RCC2: variants seen among roughly 807,000 people sequenced by gnomAD.
The protein encoded by RCC2 is regulator of chromosome condensation 2.
In RCC2, 19 loss-of-function variants were observed where a neutral mutation model predicts 64.1. The ratio of observed to expected loss-of-function variants is 0.30; its 90% CI spans 0.21 to 0.44. The LOEUF (loss-of-function observed/expected upper bound fraction) is 0.44, where lower values mean the gene tolerates loss of function less well. Ranked by LOEUF, RCC2 falls within the 20% of genes least tolerant of loss-of-function variation. RCC2 has a pLI of 1.00. For synonymous variants in RCC2, 325 were observed against 279.6 expected, an observed-to-expected ratio of 1.16 and a Z score of -1.62; for missense variants, 508 against 710.4, an observed-to-expected ratio of 0.72 and a Z score of 3.24.
rs1570194311 is a variant in RCC2 at position 17,425,557 on chromosome 1, C to T, written c.507G>A (p.Gly169=). ...GGTACTCACCCCAGCTCCACAGCTT[C>T]CCTTCCGTGGTGATGAGGAGGCTGT... ...AAHSLLITTE[G]KLWSWGRNEK... is the part of the protein sequence containing the mutation. The change falls in exon 4 of 13, where the codon GGG becomes GGA. Residue 169 remains glycine, a synonymous_variant. Coordinates refer to ENST00000375436, the MANE Select transcript of RCC2 (RefSeq NM_018715.4). The T allele has an allele frequency of 1.2e-6, 2 of 1,612,544 alleles. No homozygotes were observed. Among genetic ancestry groups the T allele is most frequent in the Non-Finnish European group, 1.7e-6 (2 of 1,179,152 alleles).
In RCC2 at chr1:17,409,595, AC is replaced by A. The variant is rs887109013; in HGVS notation, c.1464+378del. 1.7e-3 allele frequency among the ~76,000 whole-genome samples: 254 copies of A among 152,034 alleles called. 5 individuals are homozygous for A. Among genetic ancestry groups the A allele is most frequent in the Admixed American group, 0.017 (253 of 15,268 alleles). On this transcript the variant is annotated intron_variant, in intron 12 of 12. Coordinates refer to ENST00000375436, the MANE Select transcript of RCC2 (RefSeq NM_018715.4). ...TGGCTGACTGAGCCGCAGGGGCCTC[AC>A]CCCGCCATCTGACTCCTGCAGCCAC...
intron 7 of RCC2, among the ~76,000 whole-genome samples, chr1:17,416,911 T>C (rs1026575006): frequency 1.3e-4 from 20 of 152,206 alleles, no homozygotes; most frequent in Non-Finnish European, 2.4e-4. Flanking sequence ...ACTCTACACA[T>C]AATAATGGCA....
intron 2 of RCC2, among the ~76,000 whole-genome samples, chr1:17,435,107 G>T (rs114102428): frequency 7.4e-4 from 112 of 152,286 alleles, no homozygotes; most frequent in African/African-American, 2.6e-3. Context: ...CATCTGGGGT[G>T]GGGGGTGCGG....
chr1:17,421,442 C>T (rs1052372582), intron 6 of RCC2, among the ~76,000 whole-genome samples: 1 of 151,684 alleles, frequency 6.6e-6, no homozygotes, highest in Non-Finnish European at 1.5e-5. Flanking sequence ...TTGCAGTGAG[C>T]TGAGATCGCG....
chr1:17,425,819 G>T, intron 3 of RCC2, 135 bp from the exon 4 acceptor site: 1 of 856,674 alleles, frequency 1.2e-6, no homozygotes, highest in Non-Finnish European at 1.8e-6. Flanking sequence ...TGCCTTGGCT[G>T]TTGGGAGGCT....
chr1:17,412,365 C>T (rs112978140), intron 10 of RCC2, among the ~76,000 whole-genome samples, 171 bp from the exon 11 acceptor site: 156 of 152,348 alleles, frequency 1.0e-3, no homozygotes, highest in African/African-American at 3.4e-3. Context: ...AAGATTGTTC[C>T]GTGCAGGCCA....
intron 12 of RCC2, 144 bp downstream of exon 12, chr1:17,409,830 C>T: frequency 4.1e-6 from 3 of 733,984 alleles, no homozygotes; most frequent in Non-Finnish European, 7.1e-6. Context: ...ACCTCTCAAA[C>T]AAATCTTAGC....
intron 1 of RCC2, 52 bp from the exon 2 acceptor site, chr1:17,438,574 C>G: frequency 7.8e-7 from 1 of 1,277,826 alleles, no homozygotes. Context: ...ATAAACTGCG[C>G]GGGGGGAGGG....
At chr1:17,416,349 C>G (rs1276789030) in intron 8 of RCC2, 131 bp downstream of exon 8, 1 of 1,014,682 alleles carries the variant, frequency 9.9e-7, no homozygotes, top group African/African-American at 1.6e-5. Context: ...GGTGCAAAGC[C>G]CTCTTGAAGA....
intron 2 of RCC2, among the ~76,000 whole-genome samples, chr1:17,429,515 TAC>T (rs2075651821): frequency 6.6e-6 from 1 of 152,024 alleles, no homozygotes; most frequent in South Asian, 2.1e-4. Context: ...CAAACTGATG[TAC>T]AGAGGTATTT....
At chr1:17,429,084 T>C in intron 3 of RCC2, 22 bp downstream of exon 3, 1 of 1,594,280 alleles carries the variant, frequency 6.3e-7, no homozygotes, top group Non-Finnish European at 8.6e-7. Flanking sequence ...CTCAATGGGT[T>C]TTTGAGGCAC....
intron 7 of RCC2, among the ~76,000 whole-genome samples, chr1:17,418,213 A>ATTTT (rs751372153): frequency 2.3e-5 from 3 of 128,740 alleles, no homozygotes; most frequent in East Asian, 2.3e-4. Context: ...AGCAGGTTCT[A>ATTTT]TTTTTTTTTT....
At chr1:17,435,928 A>G (rs1479561857) in intron 2 of RCC2, among the ~76,000 whole-genome samples, 2 of 151,998 alleles carry the variant, frequency 1.3e-5, no homozygotes, top group East Asian at 3.9e-4. Context: ...CAAAAAAAAA[A>G]AAAAAAAAGC....
intron 5 of RCC2, 49 bp downstream of exon 5, chr1:17,422,656 C>A (rs769290053): frequency 3.1e-6 from 5 of 1,607,682 alleles, no homozygotes; most frequent in Non-Finnish European, 4.3e-6. Context: ...AGGCAGACCA[C>A]CTGGCCTCTT....
At chr1:17,426,244 G>A (rs1457949575) in intron 3 of RCC2, among the ~76,000 whole-genome samples, 4 of 151,976 alleles carry the variant, frequency 2.6e-5, no homozygotes, top group African/African-American at 7.3e-5. Flanking sequence ...GGGGTGACCC[G>A]AGTGTCCTGT....
chr1:17,411,600 A>G (rs2100352444), intron 11 of RCC2, among the ~76,000 whole-genome samples: 1 of 149,496 alleles, frequency 6.7e-6, no homozygotes, highest in Admixed American at 6.7e-5. Flanking sequence ...AAAAAAAAAG[A>G]CTCACCTAGC....
intron 2 of RCC2, among the ~76,000 whole-genome samples, chr1:17,431,228 G>C (rs1335996105): frequency 6.8e-6 from 1 of 147,950 alleles, no homozygotes; most frequent in Non-Finnish European, 1.5e-5. Context: ...CAGCTACTCG[G>C]GAGGCTGAGG....
chr1:17,431,010 C>T (rs1185673169), intron 2 of RCC2, among the ~76,000 whole-genome samples: 2 of 151,386 alleles, frequency 1.3e-5, no homozygotes, highest in African/African-American at 2.4e-5. Flanking sequence ...AAAATAACGC[C>T]GATGAAAGTT....
At position 17,414,517 on chromosome 1, in the gene RCC2, G is replaced by C. The variant is rs547551714; in HGVS notation, c.1027-800C>G. ...TGCACTCCAGCCTGGGTGACGGAAT[G>C]AGACTCCATCTCAAAAAAAAAAAAC... On this transcript the variant is annotated intron_variant, in intron 8 of 12. Coordinates refer to ENST00000375436, the MANE Select transcript of RCC2 (RefSeq NM_018715.4). Among the ~76,000 whole-genome samples the C allele has an allele frequency of 1.2e-3, 157 of 131,192 alleles. 1 individual carries two copies. Among genetic ancestry groups the C allele is most frequent in the Middle Eastern group, 5.5e-3 (1 of 182 alleles). 86.1% of individuals were successfully genotyped at this position (131,192 alleles called of 152,430 possible).
Sources: gnomAD v4.1 joint callset for allele counts (sites outside exome capture counted in the v4.1 genomes callset) on GRCh38, gnomAD v4.1.1 for gene constraint, MANE v1.5 for transcripts, NCBI Gene and HGNC (gene_info 2026-07-23, HGNC 2026-07-21) for gene names.